Variants in LYPLAL1 observed in about 807,000 individuals in gnomAD.
LYPLAL1 encodes the protein lysophospholipase-like protein 1.
A neutral mutation model predicts 19.7 loss-of-function variants in LYPLAL1; 23 were observed. The ratio of observed to expected loss-of-function variants is 1.17; its 90% CI spans 0.84 to 1.65. The LOEUF is 1.65. Ranked by LOEUF, LYPLAL1 falls within the 40% of genes most tolerant of loss-of-function variation. The probability of loss-of-function intolerance (pLI) is 0.00; values close to 1 mark genes in which losing one functional copy is unlikely to be tolerated. For missense variants in LYPLAL1, 355 were observed against 279.4 expected, an observed-to-expected ratio of 1.27 and a Z score of -1.93; for synonymous variants, 119 against 96.3, an observed-to-expected ratio of 1.24 and a Z score of -1.38.
At chr1:219,418,591 A>G in the LYPLAL1 span, among the ~76,000 whole-genome samples, 1 of 152,142 alleles carries the variant, frequency 6.6e-6, no homozygotes, top group East Asian at 1.9e-4. Flanking sequence ...CCAGCTATCA[A>G]CCTCCACCAG....
the LYPLAL1 span, among the ~76,000 whole-genome samples, chr1:219,424,250 A>G: frequency 1.3e-5 from 2 of 152,198 alleles, no homozygotes; most frequent in Admixed American, 1.3e-4. Context: ...TAAACTTAGC[A>G]TTGACACTCT....
the LYPLAL1 span, among the ~76,000 whole-genome samples, chr1:219,305,193 A>T: frequency 1.3e-5 from 2 of 152,192 alleles, no homozygotes; most frequent in Non-Finnish European, 2.9e-5. Context: ...TACAAGCCTT[A>T]TAAGGAGAGA....
chr1:219,426,851 G>A, the LYPLAL1 span, among the ~76,000 whole-genome samples: 1 of 152,088 alleles, frequency 6.6e-6, no homozygotes, highest in Non-Finnish European at 1.5e-5. Context: ...TGCCCTCCTT[G>A]GCCTCCCAAA....
the LYPLAL1 span, among the ~76,000 whole-genome samples, chr1:219,356,980 A>G: frequency 1.3e-5 from 2 of 152,200 alleles, no homozygotes; most frequent in African/African-American, 4.8e-5. Context: ...CGTCAATGTC[A>G]TCAGCAAAGG....
At chr1:219,323,470 C>G in the LYPLAL1 span, among the ~76,000 whole-genome samples, 1 of 152,280 alleles carries the variant, frequency 6.6e-6, no homozygotes, top group South Asian at 2.1e-4. Flanking sequence ...TCTCATCTGT[C>G]TGTGCCCCAC....
the LYPLAL1 span, among the ~76,000 whole-genome samples, chr1:219,302,999 A>G: frequency 6.6e-6 from 1 of 152,200 alleles, no homozygotes; most frequent in Non-Finnish European, 1.5e-5. Context: ...TTTGTTTCAC[A>G]AAATAGACTA....
chr1:219,405,439 A>G, the LYPLAL1 span, among the ~76,000 whole-genome samples: 1 of 152,202 alleles, frequency 6.6e-6, no homozygotes, highest in Non-Finnish European at 1.5e-5. Context: ...TTAGGAATAG[A>G]TGTTTCCCTT....
chr1:219,393,008 C>G, the LYPLAL1 span, among the ~76,000 whole-genome samples: 1 of 152,212 alleles, frequency 6.6e-6, no homozygotes, highest in Admixed American at 6.5e-5. Context: ...ATTGGTCAGA[C>G]AGATTTATAC....
the LYPLAL1 span, among the ~76,000 whole-genome samples, chr1:219,282,712 G>A: frequency 6.6e-6 from 1 of 152,008 alleles, no homozygotes; most frequent in African/African-American, 2.4e-5. Context: ...TTTCAACTGA[G>A]AATTCTATTT....
the LYPLAL1 span, among the ~76,000 whole-genome samples, chr1:219,374,405 C>T: frequency 1.3e-5 from 2 of 151,962 alleles, no homozygotes; most frequent in African/African-American, 2.4e-5. Context: ...CTATGGTGTC[C>T]TTGAACAGAA....
At chr1:219,318,677 T>A in the LYPLAL1 span, among the ~76,000 whole-genome samples, 1 of 152,142 alleles carries the variant, frequency 6.6e-6, no homozygotes, top group African/African-American at 2.4e-5. Context: ...AAGTAAAAGA[T>A]CACAATTTGA....
At chr1:219,414,808 T>G in the LYPLAL1 span, among the ~76,000 whole-genome samples, 3 of 152,190 alleles carry the variant, frequency 2.0e-5, no homozygotes, top group Non-Finnish European at 4.4e-5. Flanking sequence ...CCATAATTAT[T>G]TAATGAATGC....
intron 3 of LYPLAL1, among the ~76,000 whole-genome samples, chr1:219,196,345 T>G (rs1397207445): frequency 6.6e-6 from 1 of 152,102 alleles, no homozygotes. Flanking sequence ...TATTAAAAAT[T>G]CAAAATTCAA....
At chr1:219,174,322 G>A (rs573883623) in intron 1 of LYPLAL1, 1 of 1,141,830 alleles carries the variant, frequency 8.8e-7, no homozygotes, top group African/African-American at 1.6e-5. Flanking sequence ...TTCTGCTAGA[G>A]GGAAATTATT....
chr1:219,191,756 A>C (rs1028437100), intron 2 of LYPLAL1, among the ~76,000 whole-genome samples: 6 of 151,578 alleles, frequency 4.0e-5, no homozygotes, highest in African/African-American at 1.5e-4. Flanking sequence ...TCATATTTAA[A>C]AAATTTTATG....
At chr1:219,337,760 T>C in the LYPLAL1 span, among the ~76,000 whole-genome samples, 1 of 152,054 alleles carries the variant, frequency 6.6e-6, no homozygotes, top group Non-Finnish European at 1.5e-5. Flanking sequence ...TATTTGTTTC[T>C]GTGTTGTCTA....
chr1:219,413,430 C>A, the LYPLAL1 span, among the ~76,000 whole-genome samples: 1 of 152,194 alleles, frequency 6.6e-6, no homozygotes, highest in South Asian at 2.1e-4. Context: ...CAAATTCAAT[C>A]CATTTGGGAT....
chr1:219,241,098 ATCTCTCTCTCTCTCTCTC>A, the LYPLAL1 span, among the ~76,000 whole-genome samples: 1 of 59,228 alleles, frequency 1.7e-5, no homozygotes, highest in Non-Finnish European at 3.1e-5. Flanking sequence ...AATATATATA[ATCTCTCTCTCTCTCTCTC>A]TCTCTCTCTC....
chr1:219,313,652 A>G, the LYPLAL1 span, among the ~76,000 whole-genome samples: 2 of 152,092 alleles, frequency 1.3e-5, no homozygotes, highest in African/African-American at 4.8e-5. Flanking sequence ...CTCCTGCCTC[A>G]GCCTCCCAGA....
Sources: allele counts gnomAD v4.1 joint callset (sites outside exome capture counted in the v4.1 genomes callset), GRCh38; gene constraint gnomAD v4.1.1; transcripts MANE v1.5; gene names NCBI Gene and HGNC (gene_info 2026-07-23, HGNC 2026-07-21).